The following ST6GALNAC3 variants were observed in gnomAD, a reference collection of about 807,000 sequenced individuals.
ST6GALNAC3 encodes alpha-N-acetylgalactosaminide alpha-2,6-sialyltransferase 3.
In ST6GALNAC3, 25 loss-of-function variants were observed where a neutral mutation model predicts 32.7. The observed-to-expected ratio is 0.76, with a 90% CI of 0.56 to 1.07. The LOEUF (loss-of-function observed/expected upper bound fraction) is 1.07, where lower values mean the gene tolerates loss of function less well. Ranked by LOEUF, ST6GALNAC3 falls within the 50% of genes least tolerant of loss-of-function variation. The probability of loss-of-function intolerance (pLI) is 0.00; values close to 1 mark genes in which losing one functional copy is unlikely to be tolerated. For synonymous variants in ST6GALNAC3, 129 were observed against 133.1 expected, an observed-to-expected ratio of 0.97 and a Z score of 0.21; for missense variants, 355 against 382.4, an observed-to-expected ratio of 0.93 and a Z score of 0.60.
intron 2 of ST6GALNAC3, among the ~76,000 whole-genome samples, chr1:76,359,214 T>A (rs1158857301): frequency 6.6e-6 from 1 of 152,174 alleles, no homozygotes; most frequent in Admixed American, 6.5e-5. Context: ...CTATTAACAT[T>A]TAAAAAATAT....
chr1:76,385,676 G>A (rs943142319), intron 2 of ST6GALNAC3, among the ~76,000 whole-genome samples: 6 of 151,996 alleles, frequency 3.9e-5, no homozygotes, highest in Admixed American at 6.6e-5. Context: ...TAAATCCCTC[G>A]AATACCTAGA....
chr1:76,108,410 G>A (rs1229555386), intron 1 of ST6GALNAC3, among the ~76,000 whole-genome samples: 1 of 152,152 alleles, frequency 6.6e-6, no homozygotes, highest in Non-Finnish European at 1.5e-5. Context: ...TCTGAGGACT[G>A]CCAGCCAGGA....
intron 1 of ST6GALNAC3, among the ~76,000 whole-genome samples, chr1:76,270,955 C>G (rs1394920553): frequency 6.6e-6 from 1 of 152,166 alleles, no homozygotes; most frequent in Non-Finnish European, 1.5e-5. Flanking sequence ...ATTCAGCAAA[C>G]AGACCCGGAG....
chr1:76,412,036 C>T lies in ST6GALNAC3; in HGVS notation c.242C>T (p.Ala81Val), dbSNP rs770076535. 1 of 1,613,282 alleles carries T rather than the reference C, an allele frequency of 6.2e-7. No homozygotes were observed. Among genetic ancestry groups the T allele is most frequent in the African/African-American group, 1.3e-5 (1 of 74,816 alleles). The change falls in exon 3 of 5, where the codon GCC (alanine) becomes GTC (valine). Residue 81 changes from alanine to valine, a missense_variant. By Grantham distance (64) the Ala-to-Val change is moderately conservative. Coordinates refer to ENST00000328299, the MANE Select transcript of ST6GALNAC3 (RefSeq NM_152996.4). ...EPLQLDCDLC[A>V]IVSNSGQMVG... ...TTGCAACTGGACTGTGACCTTTGTG[C>T]CATAGTGTCAAACTCAGGTCAGATG...
chr1:76,538,029 A>G (rs1663733710), intron 3 of ST6GALNAC3, among the ~76,000 whole-genome samples: 1 of 152,346 alleles, frequency 6.6e-6, no homozygotes, highest in Non-Finnish European at 1.5e-5. Context: ...TGAAGCCAGC[A>G]TCATCCTGAT....
chr1:76,319,649 T>G (rs1194781418), intron 2 of ST6GALNAC3, among the ~76,000 whole-genome samples: 2 of 152,208 alleles, frequency 1.3e-5, no homozygotes, highest in African/African-American at 4.8e-5. Context: ...TATGTGCAAA[T>G]GTATGTCCCA....
At chr1:76,250,971 G>T (rs74422320) in intron 1 of ST6GALNAC3, among the ~76,000 whole-genome samples, 2,015 of 152,206 alleles carry the variant, frequency 0.013, 49 homozygotes, top group African/African-American at 0.047. Flanking sequence ...TTCAAAATCT[G>T]CATTTGTAGC....
chr1:76,618,499 G>A (rs771836950), intron 3 of ST6GALNAC3, among the ~76,000 whole-genome samples: 2 of 152,126 alleles, frequency 1.3e-5, no homozygotes, highest in Non-Finnish European at 2.9e-5. Flanking sequence ...ACATATAAAT[G>A]CTCTAAAAAC....
At chr1:76,320,186 T>G (rs2100918602) in intron 2 of ST6GALNAC3, among the ~76,000 whole-genome samples, 1 of 152,216 alleles carries the variant, frequency 6.6e-6, no homozygotes, top group East Asian at 1.9e-4. Flanking sequence ...AAAGCAGAGT[T>G]GGGTAAAAAA....
At chr1:76,228,443 C>A (rs569147249) in intron 1 of ST6GALNAC3, among the ~76,000 whole-genome samples, 22 of 152,256 alleles carry the variant, frequency 1.4e-4, no homozygotes, top group African/African-American at 4.3e-4. Context: ...GGCCCAGTAA[C>A]CTTGCGAAGA....
At chr1:76,381,079 A>C (rs9437435) in intron 2 of ST6GALNAC3, among the ~76,000 whole-genome samples, 55,554 of 150,650 alleles carry the variant, frequency 0.37, 10,872 homozygotes, top group Non-Finnish European at 0.45. Flanking sequence ...ATTGTAGAGA[A>C]GGTTGTGGTG....
At chr1:76,275,067 T>A (rs1217369238) in intron 1 of ST6GALNAC3, among the ~76,000 whole-genome samples, 1 of 152,218 alleles carries the variant, frequency 6.6e-6, no homozygotes, top group Non-Finnish European at 1.5e-5. Flanking sequence ...TTTTCCAAGA[T>A]GTGTTAAGTG....
At chr1:76,086,500 G>C (rs1285441882) in intron 1 of ST6GALNAC3, among the ~76,000 whole-genome samples, 1 of 152,030 alleles carries the variant, frequency 6.6e-6, no homozygotes, top group Admixed American at 6.6e-5. Flanking sequence ...TTTCCCTTTT[G>C]CTTTTTCCTG....
intron 3 of ST6GALNAC3, among the ~76,000 whole-genome samples, chr1:76,440,624 C>G (rs1289763631): frequency 1.3e-5 from 2 of 152,136 alleles, no homozygotes; most frequent in Non-Finnish European, 1.5e-5. Context: ...TCAAACCACC[C>G]AAGAACATTA....
intron 3 of ST6GALNAC3, among the ~76,000 whole-genome samples, chr1:76,544,943 C>A (rs1478335675): frequency 6.6e-6 from 1 of 152,148 alleles, no homozygotes; most frequent in African/African-American, 2.4e-5. Context: ...AATATCAATT[C>A]TTTAATTTAA....
chr1:76,216,023 T>C (rs1363020897), intron 1 of ST6GALNAC3, among the ~76,000 whole-genome samples: 1 of 152,118 alleles, frequency 6.6e-6, no homozygotes. Flanking sequence ...TTCATCCCTC[T>C]CCTCATCTCT....
At chr1:76,324,581 T>A (rs1647031642) in intron 2 of ST6GALNAC3, among the ~76,000 whole-genome samples, 2 of 152,074 alleles carry the variant, frequency 1.3e-5, no homozygotes, top group Non-Finnish European at 2.9e-5. Context: ...TGATGACAAC[T>A]CCTCTAAACT....
intron 1 of ST6GALNAC3, among the ~76,000 whole-genome samples, chr1:76,105,810 C>T (rs146754168): frequency 6.3e-4 from 96 of 152,214 alleles, no homozygotes; most frequent in African/African-American, 2.0e-3. Context: ...GTGCTATTAC[C>T]GTCTGGCTAT....
chr1:76,198,757 T>A lies in ST6GALNAC3; in HGVS notation c.19-115048T>A, dbSNP rs113479970. On this transcript the variant is annotated intron_variant, in intron 1 of 4. Coordinates refer to ENST00000328299, the MANE Select transcript of ST6GALNAC3 (RefSeq NM_152996.4). ...GAGAGGATTGCTGGTATTTTAGATATGTCGGATTTGAGGTGCCTTGTGACA... is the reference window on the plus strand; with the variant it reads ...GAGAGGATTGCTGGTATTTTAGATAAGTCGGATTTGAGGTGCCTTGTGACA... 3.8e-3 allele frequency among the ~76,000 whole-genome samples: 585 copies of A among 152,250 alleles called. 5 individuals carry two copies. Among genetic ancestry groups the A allele is most frequent in the African/African-American group, 0.013 (537 of 41,552 alleles).
Sources: gnomAD v4.1 joint callset for allele counts (sites outside exome capture counted in the v4.1 genomes callset) on GRCh38, gnomAD v4.1.1 for gene constraint, MANE v1.5 for transcripts, NCBI Gene and HGNC (gene_info 2026-07-23, HGNC 2026-07-21) for gene names.